ZRSR2: variants seen among roughly 807,000 people sequenced by gnomAD.
ZRSR2 encodes U2 small nuclear ribonucleoprotein auxiliary factor 35 kDa subunit-related protein 2.
In ZRSR2, 3 loss-of-function variants were observed where a neutral mutation model predicts 39.4. That is an observed-to-expected ratio of 0.08 (90% confidence interval 0.03 to 0.20). The LOEUF is 0.20. ZRSR2 is among the 10% of genes least tolerant of loss of function. The pLI is 1.00. For missense variants in ZRSR2, 256 were observed against 391.5 expected (o/e 0.65, Z 2.92); for synonymous variants, 137 against 136.0 (o/e 1.01, Z -0.05).
chrX:15,823,142 G>A lies in ZRSR2; in HGVS notation c.1349G>A (p.Ser450Asn). The A allele has an allele frequency of 1.7e-6, 2 of 1,205,585 alleles. No homozygotes were observed. The highest frequency in any genetic ancestry group is 2.2e-6 in the Non-Finnish European group (2 of 892,863). Residue 450 changes from serine (S) to asparagine (N), a missense_variant, in exon 11 of 11, where the codon AGC becomes AAC. Transcript: ENST00000307771. ...RSRSRSRSRR[S>N]RRSRSQSSSR... ...CGGAGCCGGAGCCGGAGCCGCAGGA[G>A]CCGCCGCAGCCGGAGCCAAAGTTCC...
chrX:15,815,603 G>A, intron 7 of ZRSR2, 74 bp from the exon 8 acceptor site: 1 of 933,512 alleles, frequency 1.1e-6, no homozygotes, highest in East Asian at 3.2e-5. Flanking sequence ...CACCATGCCT[G>A]GTCTAAAGCA....
At chrX:15,804,430 C>CTA (rs1932760202) in intron 5 of ZRSR2, among the ~76,000 whole-genome samples, 1 of 111,503 alleles carries the variant, frequency 9.0e-6, no homozygotes, top group African/African-American at 3.3e-5. Context: ...ACCCTTTATA[C>CTA]TGGGCATTGG....
intron 3 of ZRSR2, among the ~76,000 whole-genome samples, chrX:15,800,683 T>G (rs1273762220): frequency 2.7e-5 from 3 of 112,452 alleles, no homozygotes; most frequent in Non-Finnish European, 5.6e-5. Context: ...GCTTTCTTGC[T>G]AAATATATAG....
chrX:15,811,539 C>T (rs910303795), intron 7 of ZRSR2, among the ~76,000 whole-genome samples: 1 of 111,767 alleles, frequency 8.9e-6, no homozygotes, highest in African/African-American at 3.2e-5. Context: ...ATTCTCCTGC[C>T]TTAGCCTCTC....
At chrX:15,809,144 A>C in intron 6 of ZRSR2, 56 bp from the exon 7 acceptor site, 3 of 826,276 alleles carry the variant, frequency 3.6e-6, no homozygotes, top group Non-Finnish European at 5.5e-6. Context: ...ACTTTGAAAC[A>C]TTTCGTCTTT....
At chrX:15,804,441 C>G (rs773026829) in intron 5 of ZRSR2, among the ~76,000 whole-genome samples, 41 of 111,179 alleles carry the variant, frequency 3.7e-4, no homozygotes, top group Non-Finnish European at 6.8e-4. Flanking sequence ...TGGGCATTGG[C>G]AAATGTTGTA....
intron 5 of ZRSR2, among the ~76,000 whole-genome samples, chrX:15,807,612 T>A (rs929797049): frequency 1.8e-5 from 2 of 110,774 alleles, no homozygotes; most frequent in Non-Finnish European, 3.8e-5. Flanking sequence ...TTATATTCAC[T>A]AATACCCCCT....
At chrX:15,808,775 C>G (rs761581114) in intron 6 of ZRSR2, among the ~76,000 whole-genome samples, 2 of 110,237 alleles carry the variant, frequency 1.8e-5, no homozygotes, top group African/African-American at 3.3e-5. Flanking sequence ...GTGTGCACCA[C>G]CACGCCCAGC....
intron 7 of ZRSR2, among the ~76,000 whole-genome samples, chrX:15,809,647 A>G (rs1475252533): frequency 9.0e-6 from 1 of 111,677 alleles, no homozygotes; most frequent in East Asian, 2.8e-4. Context: ...GGGAAATAAT[A>G]TATTTGAAGA....
chrX:15,808,351 C>T (rs1221358166), intron 6 of ZRSR2, 80 bp downstream of exon 6: 13 of 921,700 alleles, frequency 1.4e-5, no homozygotes, highest in South Asian at 2.1e-5. Flanking sequence ...ATGTTAGTTT[C>T]GTGGTAGGTT....
At chrX:15,803,981 T>TAAA in intron 4 of ZRSR2, 130 bp from the exon 5 acceptor site, 8 of 777,674 alleles carry the variant, frequency 1.0e-5, no homozygotes, top group East Asian at 8.9e-5. Flanking sequence ...ATCTTGAACT[T>TAAA]AAAAAAAAAA....
intron 10 of ZRSR2, among the ~76,000 whole-genome samples, chrX:15,821,619 TTAAC>T (rs2147291732): frequency 9.0e-6 from 1 of 111,133 alleles, no homozygotes; most frequent in African/African-American, 3.3e-5. Flanking sequence ...GAAATCCAAC[TTAAC>T]TATTTTTTTG....
At chrX:15,812,062 TGG>T (rs1276276185) in intron 7 of ZRSR2, among the ~76,000 whole-genome samples, 1 of 111,131 alleles carries the variant, frequency 9.0e-6, no homozygotes, top group Non-Finnish European at 1.9e-5. Flanking sequence ...CCCGAGTAGC[TGG>T]GACCACAGGG....
intron 2 of ZRSR2, among the ~76,000 whole-genome samples, chrX:15,795,151 A>G (rs1014441529): frequency 1.5e-4 from 14 of 95,172 alleles, no homozygotes; most frequent in African/African-American, 4.5e-4. Context: ...CTTAAGTCCA[A>G]TGATGCCATG....
intron 7 of ZRSR2, among the ~76,000 whole-genome samples, chrX:15,814,828 A>G (rs776616282): frequency 1.8e-5 from 2 of 111,912 alleles, no homozygotes; most frequent in Non-Finnish European, 3.8e-5. Flanking sequence ...ACCAGAGGGG[A>G]AAAATGTAAA....
chrX:15,815,167 G>A (rs767429678), intron 7 of ZRSR2, among the ~76,000 whole-genome samples: 2 of 112,595 alleles, frequency 1.8e-5, no homozygotes, highest in Non-Finnish European at 3.7e-5. Flanking sequence ...CAAGTGCCAA[G>A]TTTCAACACT....
Position 15,823,022 on chromosome X carries a change from G to A in ZRSR2, c.1229G>A (p.Arg410His). 1 of 1,211,979 alleles carries A rather than the reference G, an allele frequency of 8.3e-7. No homozygotes were observed. The highest frequency in any genetic ancestry group is 1.7e-5 in the African/African-American group (1 of 57,871). The change falls in exon 11 of 11, where the codon CGC becomes CAC. Residue 410 changes from arginine to histidine, a missense_variant. Transcript: ENST00000307771. ...CACAGGGGGAAGAAATCTCACAAAC[G>A]CACATCAAAGAGTCGGGAGAGGCAC... ...SRHRGKKSHKRTSKSRERHNS... is the reference protein window; with the variant it reads ...SRHRGKKSHKHTSKSRERHNS...
chrX:15,802,622 G>C (rs1233152922), intron 3 of ZRSR2, among the ~76,000 whole-genome samples: 3 of 109,697 alleles, frequency 2.7e-5, no homozygotes, highest in Non-Finnish European at 5.7e-5. Context: ...ACCACGCCTG[G>C]CTAATTTTTG....
chrX:15,814,603 C>G (rs745476687), intron 7 of ZRSR2, among the ~76,000 whole-genome samples: 13 of 112,003 alleles, frequency 1.2e-4, no homozygotes, highest in Admixed American at 4.7e-4. Flanking sequence ...GCACTCCAGC[C>G]TATGTAACAG....
Sources: allele counts gnomAD v4.1 joint callset (sites outside exome capture counted in the v4.1 genomes callset), GRCh38; gene constraint gnomAD v4.1.1; transcripts MANE v1.5; gene names NCBI Gene and HGNC (gene_info 2026-07-23, HGNC 2026-07-21).